The following ZKSCAN2 variants were observed in gnomAD, a reference collection of about 807,000 sequenced individuals.
The protein encoded by ZKSCAN2 is zinc finger with KRAB and SCAN domains 2.
ZKSCAN2 carries 38 observed loss-of-function variants against 90.5 expected under a neutral mutation model. That is an observed-to-expected ratio of 0.42 (90% CI 0.32 to 0.55). The LOEUF (loss-of-function observed/expected upper bound fraction) is 0.55, where lower values mean the gene tolerates loss of function less well. Among genes scored for constraint, ZKSCAN2 ranks in the 20% least tolerant of loss-of-function variants. The probability of loss-of-function intolerance (pLI) is 0.11; values close to 1 mark genes in which losing one functional copy is unlikely to be tolerated. For synonymous variants in ZKSCAN2, 429 were observed against 421.6 expected (o/e 1.02, Z -0.22); for missense variants, 1,167 against 1,202.6 (o/e 0.97, Z 0.44).
intron 4 of ZKSCAN2, among the ~76,000 whole-genome samples, chr16:25,249,433 A>C (rs898069405): frequency 6.6e-6 from 1 of 151,966 alleles, no homozygotes; most frequent in Non-Finnish European, 1.5e-5. Flanking sequence ...ACAGGCACCC[A>C]CCACCACACC....
At chr16:25,254,925 C>T (rs1489720144) in intron 2 of ZKSCAN2, among the ~76,000 whole-genome samples, 1 of 151,658 alleles carries the variant, frequency 6.6e-6, no homozygotes, top group Non-Finnish European at 1.5e-5. Context: ...TCCTGAGTAG[C>T]TGAGACCACA....
intron 3 of ZKSCAN2, 63 bp from the exon 4 acceptor site, chr16:25,252,098 A>C: frequency 6.3e-7 from 1 of 1,587,882 alleles, no homozygotes; most frequent in South Asian, 1.1e-5. Flanking sequence ...AGGATGAGCA[A>C]TCACAGATGA....
chr16:25,242,836 G>C (rs909763484), intron 6 of ZKSCAN2, among the ~76,000 whole-genome samples: 1 of 152,238 alleles, frequency 6.6e-6, no homozygotes, highest in Non-Finnish European at 1.5e-5. Flanking sequence ...TTTTACAACA[G>C]TCTAGGCAAG....
At chr16:25,250,227 T>G (rs1182869964) in intron 4 of ZKSCAN2, among the ~76,000 whole-genome samples, 1 of 152,064 alleles carries the variant, frequency 6.6e-6, no homozygotes, top group Non-Finnish European at 1.5e-5. Context: ...GAGAATCGCT[T>G]GAACCCAGGA....
chr16:25,255,501 A>T, intron 1 of ZKSCAN2, 109 bp from the exon 2 acceptor site: 1 of 1,217,578 alleles, frequency 8.2e-7, no homozygotes, highest in South Asian at 1.4e-5. Flanking sequence ...AAGGAATGAA[A>T]ATTCCACTCC....
intron 6 of ZKSCAN2, 30 bp downstream of exon 6, chr16:25,243,755 G>T: frequency 1.3e-6 from 2 of 1,567,554 alleles, no homozygotes; most frequent in Non-Finnish European, 1.7e-6. Context: ...TTCCTCTTTT[G>T]GACTAAAACT....
chr16:25,236,206 C>T lies in ZKSCAN2; in HGVS notation c.*3610G>A, dbSNP rs1361844809. On this transcript the variant is annotated 3_prime_UTR_variant, in exon 7 of 7. Transcript: ENST00000328086. ...AGCCAGGGCTGCCCCAGCTCCCTCA[C>T]AGCTGTCTTGTCTGTCACTGGGCGC... 6.6e-6 allele frequency: 1 copy of T among 152,274 alleles called. No individual in the cohort carries two copies. Among genetic ancestry groups the T allele is most frequent in the Non-Finnish European group, 1.5e-5 (1 of 68,076 alleles). 9.4% of individuals were successfully genotyped at this position (152,274 alleles called of 1,614,324 possible).
intron 4 of ZKSCAN2, among the ~76,000 whole-genome samples, chr16:25,251,122 T>G (rs1963015302): frequency 6.6e-6 from 1 of 152,114 alleles, no homozygotes; most frequent in Admixed American, 6.5e-5. Context: ...GAAAAAAATT[T>G]GGTAGAAGAA....
chr16:25,246,532 G>A, intron 5 of ZKSCAN2, 175 bp downstream of exon 5: 1 of 651,464 alleles, frequency 1.5e-6, no homozygotes, highest in Non-Finnish European at 2.7e-6. Flanking sequence ...TACTCTGACT[G>A]CAATGGGGGC....
Position 25,257,294 on chromosome 16 carries a change from G to C in ZKSCAN2, c.-167C>G. 7.0e-7 allele frequency: 1 copy of C among 1,435,012 alleles called. No individual in the cohort carries two copies. Among genetic ancestry groups the C allele is most frequent in the Non-Finnish European group, 9.1e-7 (1 of 1,100,634 alleles). 88.9% of individuals were successfully genotyped at this position (1,435,012 alleles called of 1,614,324 possible). On this transcript the variant is annotated 5_prime_UTR_variant, in exon 1 of 7. Coordinates refer to ENST00000328086, the MANE Select transcript of ZKSCAN2 (RefSeq NM_001012981.5). ...AGGCTGATTAATCAAATCTATGCCA[G>C]GCCCTTGAAAAGGTGAACGTATACT... is the stretch of plus-strand genomic sequence containing the variant.
At position 25,247,205 on chromosome 16, in the gene ZKSCAN2, ACTGCTG is replaced by A; in HGVS notation, c.985_990del (p.Gln329_Gln330del). The A allele has an allele frequency of 6.2e-7, 1 of 1,614,062 alleles. No individual in the cohort carries two copies. Among genetic ancestry groups the A allele is most frequent in the South Asian group, 1.1e-5 (1 of 91,072 alleles). On this transcript the variant is annotated inframe_deletion, in exon 5 of 7. Transcript: ENST00000328086. ...GCTATCTTTTCATCTTCTAAACCCC[ACTGCTG>A]CTGCTCTCTCCATGTTTTTCCTGCA...
Position 25,236,311 on chromosome 16 carries a change from GACC to G in ZKSCAN2, c.*3502_*3504del, listed in dbSNP as rs1962767066. ...AGGTGCTTGGGGGGTGCCTGCTGTG[GACC>G]ACGAGGGACTTGCCCTTTCTCCTTC... On this transcript the variant is annotated 3_prime_UTR_variant, in exon 7 of 7. Coordinates refer to ENST00000328086, the MANE Select transcript of ZKSCAN2 (RefSeq NM_001012981.5). 1.3e-5 allele frequency: 2 copies of G among 152,390 alleles called. No individual in the cohort carries two copies. The highest frequency in any genetic ancestry group is 4.8e-5 in the African/African-American group (2 of 41,570). 9.4% of individuals were successfully genotyped at this position (152,390 alleles called of 1,614,324 possible). A position where few individuals can be genotyped will look rare whatever the true frequency, so the allele number is the denominator to read the frequency against.
Position 25,255,370 on chromosome 16 carries a change from TC to T in ZKSCAN2, c.421del (p.Glu141ArgfsTer43). The part of the protein sequence containing the change: ...RQQVSSPVHR[E>X]KHSPLGAAWE... ...CGCTGCTCCAAGTGGGGAGTGCTTCTCCCGGTGCACGGGACTGCTGACCTGA... is the reference window on the plus strand; with the variant it reads ...CGCTGCTCCAAGTGGGGAGTGCTTCTCCGGTGCACGGGACTGCTGACCTGA... On this transcript the variant is annotated frameshift_variant, in exon 2 of 7. Coordinates refer to ENST00000328086, the MANE Select transcript of ZKSCAN2 (RefSeq NM_001012981.5). LOFTEE classifies it high-confidence loss of function. 6.2e-7 allele frequency: 1 copy of T among 1,612,368 alleles called. No homozygotes were observed. Among genetic ancestry groups the T allele is most frequent in the Non-Finnish European group, 8.5e-7 (1 of 1,179,876 alleles).
In ZKSCAN2 at chr16:25,239,265, A is replaced by G. The variant is rs1962811828; in HGVS notation, c.*551T>C. The G allele has an allele frequency of 1.0e-5, 1 of 96,250 alleles. No individual in the cohort carries two copies. The highest frequency in any genetic ancestry group is 1.0e-4 in the Admixed American group (1 of 9,756). The allele number at this position is 96,250 out of a possible 1,614,324, so 6.0% of individuals were successfully genotyped here. On this transcript the variant is annotated 3_prime_UTR_variant, in exon 7 of 7. Coordinates refer to ENST00000328086, the MANE Select transcript of ZKSCAN2 (RefSeq NM_001012981.5). ...AGCTATTTGGATCAACTTCTTGACA[A>G]AAAAAAAAAAAAAGGTACACTGTAA...
intron 4 of ZKSCAN2, among the ~76,000 whole-genome samples, chr16:25,251,521 C>T (rs1963020641): frequency 6.6e-6 from 1 of 152,150 alleles, no homozygotes; most frequent in African/African-American, 2.4e-5. Context: ...AATTTGCCAG[C>T]TTATGATACA....
In ZKSCAN2 at chr16:25,246,739, T is replaced by C. The variant is rs375607715; in HGVS notation, c.1457A>G (p.His486Arg). 131 of 1,614,106 alleles carry C rather than the reference T, an allele frequency of 8.1e-5. No homozygotes were observed. Among genetic ancestry groups the C allele is most frequent in the Non-Finnish European group, 1.1e-4 (124 of 1,180,040 alleles). The change falls in exon 5 of 7, where the codon CAT (histidine) becomes CGT (arginine). Residue 486 changes from histidine to arginine, a missense_variant. Physicochemically the swap from His to Arg is conservative, Grantham distance 29 (BLOSUM62 0). Transcript: ENST00000328086. ...ATTCTGAAACAAGACAGGGGCACCA[T>C]GGATTTCAGACTTGCGGATAAATTC... ...GIEFIRKSEI[H>R]GAPVLFQNLS...
intron 2 of ZKSCAN2, among the ~76,000 whole-genome samples, chr16:25,253,783 A>G (rs1184122394): frequency 1.3e-5 from 2 of 152,158 alleles, no homozygotes; most frequent in Non-Finnish European, 1.5e-5. Context: ...CAAGGCGGGC[A>G]GATCACCTAA....
intron 6 of ZKSCAN2, among the ~76,000 whole-genome samples, chr16:25,241,066 T>TAA (rs1962845415): frequency 6.6e-6 from 1 of 152,198 alleles, no homozygotes; most frequent in African/African-American, 2.4e-5. Context: ...ACCTCTATAC[T>TAA]AAAGCACACT....
chr16:25,243,850 C>T lies in ZKSCAN2; in HGVS notation c.1916G>A (p.Ser639Asn), dbSNP rs751296845. The T allele has an allele frequency of 2.5e-6, 4 of 1,613,986 alleles. No homozygotes were observed. The highest frequency in any genetic ancestry group is 4.5e-5 in the East Asian group (2 of 44,894). The part of the protein sequence containing the change: ...VIEDSCSERM[S>N]EEEIVQEPEF... The stretch of plus-strand genomic sequence containing the variant: ...TGGCTCTTGCACAATTTCCTCCTCG[C>T]TCATTCTCTCACTGCAAGAGTCTTC... The change falls in exon 6 of 7, where the codon AGC becomes AAC. Residue 639 changes from serine to asparagine, a missense_variant. By Grantham distance (46) the Ser-to-Asn change is conservative. Coordinates refer to ENST00000328086, the MANE Select transcript of ZKSCAN2 (RefSeq NM_001012981.5).
Sources: gnomAD v4.1 joint callset for allele counts (sites outside exome capture counted in the v4.1 genomes callset) on GRCh38, gnomAD v4.1.1 for gene constraint, MANE v1.5 for transcripts, NCBI Gene and HGNC (gene_info 2026-07-23, HGNC 2026-07-21) for gene names.